Variants in SNX29 observed in about 807,000 individuals in gnomAD.
The protein encoded by SNX29 is sorting nexin 29, also known as sorting nexin-29.
SNX29 carries 78 observed loss-of-function variants against 102.1 expected under a neutral mutation model. The observed-to-expected ratio is 0.76, with a 90% CI of 0.64 to 0.92. The LOEUF (loss-of-function observed/expected upper bound fraction) is 0.92. SNX29 is among the 40% of genes least tolerant of loss of function. The pLI is 0.00. For synonymous variants in SNX29, 580 were observed against 414.5 expected (o/e 1.40, Z -4.85); for missense variants, 1,280 against 1,061.7 (o/e 1.21, Z -2.86).
chr16:12,064,018 G>C (rs915867560), intron 9 of SNX29, among the ~76,000 whole-genome samples: 1 of 152,062 alleles, frequency 6.6e-6, no homozygotes, highest in African/African-American at 2.4e-5. Context: ...CCCCTGGGGA[G>C]TTTTGAATGT....
chr16:11,993,724 T>C (rs2055947543), intron 1 of SNX29, among the ~76,000 whole-genome samples: 1 of 152,186 alleles, frequency 6.6e-6, no homozygotes, highest in South Asian at 2.1e-4. Flanking sequence ...TCACTGTAGC[T>C]TGAATGGTGA....
chr16:12,152,487 G>C (rs1034214486), intron 13 of SNX29, among the ~76,000 whole-genome samples: 2 of 152,136 alleles, frequency 1.3e-5, no homozygotes, highest in African/African-American at 4.8e-5. Flanking sequence ...TGGGGTCTTT[G>C]GAAACCCTGC....
At chr16:12,016,509 C>T (rs1010221265) in intron 3 of SNX29, among the ~76,000 whole-genome samples, 7 of 152,086 alleles carry the variant, frequency 4.6e-5, no homozygotes, top group African/African-American at 1.7e-4. Flanking sequence ...TTATCTAGAG[C>T]GGCTGTACCA....
intron 13 of SNX29, among the ~76,000 whole-genome samples, chr16:12,168,761 G>A (rs1596409408): frequency 2.6e-5 from 4 of 152,198 alleles, no homozygotes; most frequent in South Asian, 2.1e-4. Flanking sequence ...TTATTAGATC[G>A]TTACATAAAT....
At chr16:12,452,659 C>T (rs534378132) in intron 18 of SNX29, among the ~76,000 whole-genome samples, 2 of 152,152 alleles carry the variant, frequency 1.3e-5, no homozygotes, top group African/African-American at 4.8e-5. Context: ...GTCACCAGCC[C>T]TGGGGACTGG....
intron 10 of SNX29, among the ~76,000 whole-genome samples, chr16:12,073,546 T>C (rs2151316686): frequency 6.6e-6 from 1 of 152,254 alleles, no homozygotes; most frequent in East Asian, 1.9e-4. Flanking sequence ...ACTGTTATAA[T>C]TTCTGTTCTT....
intron 16 of SNX29, among the ~76,000 whole-genome samples, chr16:12,358,584 T>C (rs946964883): frequency 5.3e-5 from 8 of 152,072 alleles, no homozygotes; most frequent in African/African-American, 1.2e-4. Flanking sequence ...CTGCTATCCA[T>C]AAAGAAATTG....
At chr16:12,558,212 A>G (rs1194041579) in intron 20 of SNX29, among the ~76,000 whole-genome samples, 2 of 113,086 alleles carry the variant, frequency 1.8e-5, no homozygotes, top group Non-Finnish European at 3.7e-5. Context: ...CAGCAGAACC[A>G]TCACAGAGCC....
intron 20 of SNX29, among the ~76,000 whole-genome samples, chr16:12,533,719 C>T (rs1157443563): frequency 2.0e-5 from 3 of 152,104 alleles, no homozygotes; most frequent in Admixed American, 6.6e-5. Flanking sequence ...ACTCAGGTGC[C>T]TGTAGGTCTG....
At chr16:12,075,920 C>G (rs1184257065) in intron 10 of SNX29, among the ~76,000 whole-genome samples, 3 of 152,232 alleles carry the variant, frequency 2.0e-5, no homozygotes, top group Non-Finnish European at 4.4e-5. Context: ...TGATCTCAGA[C>G]TGCTGTGCTA....
At chr16:12,207,894 A>G (rs1343413153) in intron 14 of SNX29, among the ~76,000 whole-genome samples, 2 of 152,142 alleles carry the variant, frequency 1.3e-5, no homozygotes, top group Non-Finnish European at 1.5e-5. Flanking sequence ...TTGTGACCAC[A>G]TAAGGGGTAG....
chr16:12,261,793 C>T (rs1292604978), intron 14 of SNX29, among the ~76,000 whole-genome samples: 8 of 134,304 alleles, frequency 6.0e-5, no homozygotes, highest in African/African-American at 2.0e-4. Context: ...TTGCTGAGCT[C>T]GGGTCTGTGC....
intron 20 of SNX29, among the ~76,000 whole-genome samples, chr16:12,553,732 C>T (rs550580751): frequency 3.3e-5 from 5 of 152,038 alleles, no homozygotes; most frequent in South Asian, 4.2e-4. Flanking sequence ...GGATTATATG[C>T]ACATGCCACC....
chr16:12,412,656 C>T (rs1276894780), intron 18 of SNX29, among the ~76,000 whole-genome samples: 3 of 152,274 alleles, frequency 2.0e-5, no homozygotes, highest in African/African-American at 4.8e-5. Context: ...CCTGTGTGTG[C>T]GTGCATACGT....
intron 19 of SNX29, chr16:12,515,669 C>G (rs1339812777): frequency 2.1e-6 from 1 of 480,472 alleles, no homozygotes; most frequent in Non-Finnish European, 4.2e-6. Context: ...TGTGCCAGCA[C>G]TCTTTATGAT....
intron 20 of SNX29, among the ~76,000 whole-genome samples, chr16:12,548,971 G>A (rs532731706): frequency 1.3e-5 from 2 of 152,220 alleles, no homozygotes; most frequent in African/African-American, 4.8e-5. Context: ...AACAGCACAA[G>A]TGAGGCCCCT....
chr16:12,309,086 C>T (rs1269951496), intron 15 of SNX29, among the ~76,000 whole-genome samples: 2 of 152,176 alleles, frequency 1.3e-5, no homozygotes, highest in African/African-American at 4.8e-5. Context: ...TCTCAGATTA[C>T]CCACCAAGTG....
intron 16 of SNX29, among the ~76,000 whole-genome samples, chr16:12,356,938 G>A (rs1379387068): frequency 6.6e-6 from 1 of 152,202 alleles, no homozygotes; most frequent in Non-Finnish European, 1.5e-5. Flanking sequence ...AATCACCCCT[G>A]GTTGAGATTC....
At chr16:12,318,818 G>A (rs2080838007) in intron 15 of SNX29, among the ~76,000 whole-genome samples, 1 of 152,152 alleles carries the variant, frequency 6.6e-6, no homozygotes, top group African/African-American at 2.4e-5. Flanking sequence ...GTGTCCACGT[G>A]TAAGTGTGCA....
Sources: gnomAD v4.1 joint callset for allele counts (sites outside exome capture counted in the v4.1 genomes callset) on GRCh38, gnomAD v4.1.1 for gene constraint, MANE v1.5 for transcripts, NCBI Gene and HGNC (gene_info 2026-07-23, HGNC 2026-07-21) for gene names.